CDH7: variants seen among roughly 807,000 people sequenced by gnomAD.
CDH7 encodes cadherin-7.
Under a neutral mutation model 71.8 loss-of-function variants are expected in CDH7, and 25 were observed. The ratio of observed to expected loss-of-function variants is 0.35; its 90% CI spans 0.25 to 0.49. The LOEUF is 0.49. Among genes scored for constraint, CDH7 ranks in the 20% least tolerant of loss-of-function variants. CDH7 has a pLI of 0.99. For synonymous variants in CDH7, 381 were observed against 363.8 expected, an observed-to-expected ratio of 1.05 and a Z score of -0.54; for missense variants, 862 against 974.6, an observed-to-expected ratio of 0.88 and a Z score of 1.54.
intron 7 of CDH7, among the ~76,000 whole-genome samples, chr18:65,844,577 A>T (rs1912869693): frequency 6.6e-6 from 1 of 152,104 alleles, no homozygotes; most frequent in Non-Finnish European, 1.5e-5. Context: ...ACTATTAAAA[A>T]TATCTTTTCA....
At chr18:65,774,933 T>C (rs1178207002) in intron 2 of CDH7, among the ~76,000 whole-genome samples, 1 of 152,106 alleles carries the variant, frequency 6.6e-6, no homozygotes, top group African/African-American at 2.4e-5. Context: ...GAATGTTCAA[T>C]GTATGATCCA....
At chr18:65,797,153 C>T (rs542811499) in intron 2 of CDH7, among the ~76,000 whole-genome samples, 1 of 152,170 alleles carries the variant, frequency 6.6e-6, no homozygotes, top group Admixed American at 6.5e-5. Flanking sequence ...ACAACAACAG[C>T]AACAACAACA....
chr18:65,753,946 T>A (rs1915955850), intron 1 of CDH7, among the ~76,000 whole-genome samples: 1 of 152,232 alleles, frequency 6.6e-6, no homozygotes. Context: ...TATTGAAACC[T>A]GCTGACTTTT....
intron 6 of CDH7, among the ~76,000 whole-genome samples, chr18:65,825,656 A>G (rs1912102669): frequency 6.6e-6 from 1 of 151,844 alleles, no homozygotes. Context: ...AATCCAGTGT[A>G]TAACTTTGTA....
In CDH7 at chr18:65,862,933, A is replaced by G; in HGVS notation, c.1864+16A>G. On this transcript the variant is annotated intron_variant, in intron 11 of 11. Coordinates refer to ENST00000397968, the MANE Select transcript of CDH7 (RefSeq NM_004361.5). ...ACATTATTGGGTAGGTACTGTTTCC[A>G]GGGCTTGCTCTGAAAGAGCTGTCAC... is the stretch of plus-strand genomic sequence containing the variant. The G allele has an allele frequency of 6.2e-7, 1 of 1,611,152 alleles. No homozygotes were observed.
At chr18:65,848,832 AT>A (rs1182969800) in intron 7 of CDH7, among the ~76,000 whole-genome samples, 1 of 89,480 alleles carries the variant, frequency 1.1e-5, no homozygotes, top group Non-Finnish European at 2.7e-5. Flanking sequence ...CTTGGATAAT[AT>A]TTACCCGTGG....
intron 3 of CDH7, 92 bp from the exon 4 acceptor site, chr18:65,814,393 A>G: frequency 7.2e-7 from 1 of 1,393,410 alleles, no homozygotes; most frequent in Non-Finnish European, 1.0e-6. Flanking sequence ...ATTTTCAAAT[A>G]AGCTTAATGT....
intron 2 of CDH7, among the ~76,000 whole-genome samples, chr18:65,782,248 C>T (rs1186948110): frequency 1.3e-5 from 2 of 151,078 alleles, no homozygotes. Context: ...CTCACTGCAA[C>T]CTCCACCTCC....
chr18:65,817,093 G>A (rs1485155667), intron 4 of CDH7, among the ~76,000 whole-genome samples: 1 of 152,050 alleles, frequency 6.6e-6, no homozygotes, highest in African/African-American at 2.4e-5. Flanking sequence ...CTGAGTACAG[G>A]GTCGGAATGA....
rs964882991 is a variant in CDH7, at chr18:65,885,266, T to G, written c.*4372T>G. 8 of 151,832 alleles carry G rather than the reference T, an allele frequency of 5.3e-5. No homozygotes were observed. Among genetic ancestry groups the G allele is most frequent in the African/African-American group, 1.9e-4 (8 of 41,364 alleles). 9.4% of individuals were successfully genotyped at this position (151,832 alleles called of 1,614,324 possible). Reference sequence around the variant, plus strand: ...GTAACGTATAATTCTGTGGGAAATTTTTCAAGCAAATCAAGACAGGCAGTG... The same window carrying G: ...GTAACGTATAATTCTGTGGGAAATTGTTCAAGCAAATCAAGACAGGCAGTG... On this transcript the variant is annotated 3_prime_UTR_variant, in exon 12 of 12. Coordinates refer to ENST00000397968, the MANE Select transcript of CDH7 (RefSeq NM_004361.5).
At chr18:65,795,105 C>G (rs1910862608) in intron 2 of CDH7, among the ~76,000 whole-genome samples, 1 of 152,024 alleles carries the variant, frequency 6.6e-6, no homozygotes, top group Non-Finnish European at 1.5e-5. Flanking sequence ...TAGAATGGAT[C>G]GAGTGTGCCA....
chr18:65,795,477 A>C (rs1323596911), intron 2 of CDH7, among the ~76,000 whole-genome samples: 1 of 152,148 alleles, frequency 6.6e-6, no homozygotes, highest in East Asian at 1.9e-4. Flanking sequence ...AGTTTTGGGT[A>C]GTTCAAATTG....
At chr18:65,791,775 T>C (rs1287028946) in intron 2 of CDH7, among the ~76,000 whole-genome samples, 3 of 152,254 alleles carry the variant, frequency 2.0e-5, no homozygotes, top group Admixed American at 6.5e-5. Flanking sequence ...TGGGATTCTG[T>C]TCAGTAAACA....
At chr18:65,800,981 C>T (rs1308997079) in intron 2 of CDH7, among the ~76,000 whole-genome samples, 2 of 152,124 alleles carry the variant, frequency 1.3e-5, no homozygotes, top group Non-Finnish European at 2.9e-5. Context: ...CCCTGAACCC[C>T]GGGCTCAGCT....
intron 7 of CDH7, 80 bp from the exon 8 acceptor site, chr18:65,857,736 C>A: frequency 7.2e-7 from 1 of 1,384,242 alleles, no homozygotes; most frequent in East Asian, 2.3e-5. Flanking sequence ...TAATGAGCTA[C>A]ACAAATAATG....
At chr18:65,757,637 AC>A (rs377266270) in intron 1 of CDH7, among the ~76,000 whole-genome samples, 34 of 152,180 alleles carry the variant, frequency 2.2e-4, no homozygotes, top group African/African-American at 6.7e-4. Flanking sequence ...AGTAACCATC[AC>A]TACTACTCCC....
At chr18:65,877,121 G>T (rs527736815) in intron 11 of CDH7, among the ~76,000 whole-genome samples, 3 of 151,998 alleles carry the variant, frequency 2.0e-5, no homozygotes, top group African/African-American at 7.3e-5. Flanking sequence ...TTTTATATGC[G>T]CTTACATGGT....
At chr18:65,778,370 A>G (rs1910038110) in intron 2 of CDH7, among the ~76,000 whole-genome samples, 1 of 151,568 alleles carries the variant, frequency 6.6e-6, no homozygotes, top group Non-Finnish European at 1.5e-5. Flanking sequence ...ATGATGGGCT[A>G]AATTACAAAA....
intron 6 of CDH7, among the ~76,000 whole-genome samples, chr18:65,842,322 A>G (rs1425324238): frequency 6.6e-6 from 1 of 152,110 alleles, no homozygotes; most frequent in Non-Finnish European, 1.5e-5. Context: ...GAGATATTAA[A>G]TAAGCATTTT....
Sources: allele counts gnomAD v4.1 joint callset (sites outside exome capture counted in the v4.1 genomes callset), GRCh38; gene constraint gnomAD v4.1.1; transcripts MANE v1.5; gene names NCBI Gene and HGNC (gene_info 2026-07-23, HGNC 2026-07-21).